The following RGPD8 variants were observed in gnomAD, a reference collection of about 807,000 sequenced individuals.
RGPD8 encodes the protein RANBP2 like and GRIP domain containing 8, also known as RANBP2-like and GRIP domain-containing protein 8.
In RGPD8, 15 loss-of-function variants were observed where a neutral mutation model predicts 89.1. The ratio of observed to expected loss-of-function variants is 0.17; its 90% CI spans 0.11 to 0.26. RGPD8 has a LOEUF of 0.26. Ranked by LOEUF, RGPD8 falls within the 10% of genes least tolerant of loss-of-function variation. The pLI, the probability that RGPD8 is intolerant of heterozygous loss-of-function variation, is 1.00. For missense variants in RGPD8, 178 were observed against 1,179.6 expected, an observed-to-expected ratio of 0.15 and a Z score of 12.44; for synonymous variants, 62 against 420.9, an observed-to-expected ratio of 0.15 and a Z score of 10.44.
At chr2:112,423,908 G>A (rs1462716815) in intron 2 of RGPD8, among the ~76,000 whole-genome samples, 3 of 152,204 alleles carry the variant, frequency 2.0e-5, no homozygotes, top group Non-Finnish European at 4.4e-5. Flanking sequence ...TTTTCCATCT[G>A]ATTAAGGTAT....
intron 1 of RGPD8, among the ~76,000 whole-genome samples, chr2:112,431,761 C>T (rs902156561): frequency 2.0e-5 from 3 of 152,062 alleles, no homozygotes; most frequent in Non-Finnish European, 4.4e-5. Flanking sequence ...CTCAGCCTCC[C>T]AGGTAGCTGG....
rs749254059 is a variant in RGPD8, at chr2:112,390,171, C to T, written c.2774G>A (p.Gly925Asp). Residue 925 changes from glycine (G) to aspartate (D), a missense_variant, in exon 20 of 23, where the codon GGC becomes GAC. Coordinates refer to ENST00000302558, the MANE Select transcript of RGPD8 (RefSeq NM_001164463.1). ...IPVSADGFKFGISEPGNQEKK... is the reference protein window; with the variant it reads ...IPVSADGFKFDISEPGNQEKK... ...TTCTTGATTTCCTGGTTCCGAAATG[C>T]CAAATTTAAATCCATCAGCAGACAC... is the stretch of plus-strand genomic sequence containing the variant. 9.5e-6 allele frequency: 15 copies of T among 1,577,990 alleles called. No homozygotes were observed. The South Asian group carries it at 1.3e-4, about 14-fold the overall frequency.
intron 1 of RGPD8, among the ~76,000 whole-genome samples, chr2:112,424,767 C>CATA (rs1181631703): frequency 6.6e-6 from 1 of 150,510 alleles, no homozygotes; most frequent in Admixed American, 6.6e-5. Flanking sequence ...TCATCATCAT[C>CATA]ATAAATAAGC....
intron 1 of RGPD8, chr2:112,432,414 G>A: frequency 1.1e-6 from 1 of 891,102 alleles, no homozygotes; most frequent in African/African-American, 1.8e-5. Context: ...GAGGAGTGGA[G>A]TGGAGCTGGA....
chr2:112,430,173 G>A (rs889843179), intron 1 of RGPD8, among the ~76,000 whole-genome samples: 3 of 152,100 alleles, frequency 2.0e-5, no homozygotes, highest in African/African-American at 4.8e-5. Context: ...ATATACAGAC[G>A]CATCATCACA....
chr2:112,417,556 T>A, intron 5 of RGPD8, 128 bp downstream of exon 5: 1 of 549,224 alleles, frequency 1.8e-6, no homozygotes. Context: ...CTGGTAAAAA[T>A]TTCATTTTAT....
chr2:112,432,614 C>G, intron 1 of RGPD8: 1 of 985,350 alleles, frequency 1.0e-6, no homozygotes. Context: ...GGTACGACCT[C>G]CGCCGCGGCA....
intron 22 of RGPD8, among the ~76,000 whole-genome samples, chr2:112,374,867 T>TTTC (rs1553501056): frequency 4.5e-5 from 6 of 134,762 alleles, no homozygotes; most frequent in South Asian, 2.4e-4. Context: ...TCTTTTTTTT[T>TTTC]TTTTTTTTTT....
intron 6 of RGPD8, among the ~76,000 whole-genome samples, chr2:112,413,053 G>T (rs1574012363): frequency 8.8e-6 from 1 of 113,076 alleles, no homozygotes; most frequent in African/African-American, 4.0e-5. Context: ...TAACTGACAG[G>T]TATTTGAGTA....
intron 1 of RGPD8, 132 bp downstream of exon 1, chr2:112,433,250 A>G: frequency 1.1e-6 from 1 of 919,178 alleles, no homozygotes; most frequent in Non-Finnish European, 1.5e-6. Flanking sequence ...CCGCCGCCTC[A>G]ACAGAGCGCG....
chr2:112,381,940 C>A (rs1337784271), intron 20 of RGPD8, among the ~76,000 whole-genome samples: 1 of 152,302 alleles, frequency 6.6e-6, no homozygotes, highest in African/African-American at 2.4e-5. Flanking sequence ...AGTATTAATC[C>A]TGAGTGTTGT....
intron 1 of RGPD8, among the ~76,000 whole-genome samples, chr2:112,426,195 C>T (rs1242452336): frequency 6.6e-6 from 1 of 152,146 alleles, no homozygotes; most frequent in Non-Finnish European, 1.5e-5. Flanking sequence ...TGTGAACTGC[C>T]AGCATCGCTA....
At chr2:112,374,485 T>C (rs1399664419) in intron 22 of RGPD8, among the ~76,000 whole-genome samples, 6 of 142,496 alleles carry the variant, frequency 4.2e-5, no homozygotes, top group Non-Finnish European at 7.7e-5. Flanking sequence ...GTACATGAGA[T>C]AGTATTACAC....
At position 112,431,781 on chromosome 2, in the gene RGPD8, C is replaced by T. The variant is rs556831009; in HGVS notation, c.72+1601G>A. Among the ~76,000 whole-genome samples, 568 of 152,110 alleles carry T rather than the reference C, an allele frequency of 3.7e-3. 1 individual carries two copies. Among genetic ancestry groups the T allele is most frequent in the African/African-American group, 0.013 (544 of 41,476 alleles). On this transcript the variant is annotated intron_variant, in intron 1 of 22. Coordinates refer to ENST00000302558, the MANE Select transcript of RGPD8 (RefSeq NM_001164463.1). ...CCTCCCAGGTAGCTGGGACTACAGG[C>T]GTGCGCCACCACGTCCGGCTAACTT...
At chr2:112,426,717 G>A (rs1255833565) in intron 1 of RGPD8, among the ~76,000 whole-genome samples, 13 of 150,404 alleles carry the variant, frequency 8.6e-5, no homozygotes, top group Admixed American at 2.0e-4. Context: ...CAGCACTGGC[G>A]ACAGAGCAAG....
At chr2:112,405,318 CCTT>C (rs1176749786) in intron 8 of RGPD8, among the ~76,000 whole-genome samples, 19 of 62,308 alleles carry the variant, frequency 3.0e-4, no homozygotes, top group African/African-American at 1.1e-3. Context: ...TAAAAACCCT[CCTT>C]CGAGTTAATT....
In RGPD8 at chr2:112,422,444, C is replaced by T. The variant is rs529301597; in HGVS notation, c.252+104G>A. 10 of 1,520,024 alleles carry T rather than the reference C, an allele frequency of 6.6e-6. 1 individual carries two copies. The South Asian group carries it at 1.2e-4, about 18-fold the overall frequency. The allele number at this position is 1,520,024 out of a possible 1,614,324, so 94.2% of individuals were successfully genotyped here. On this transcript the variant is annotated intron_variant, in intron 3 of 22. Transcript: ENST00000302558. ...CATAATTGTACTATGATACCAATGC[C>T]TGTTTTATGATATTTATAAAATATA...
At chr2:112,429,094 C>G (rs1679901847) in intron 1 of RGPD8, among the ~76,000 whole-genome samples, 1 of 151,446 alleles carries the variant, frequency 6.6e-6, no homozygotes, top group South Asian at 2.1e-4. Context: ...TGTCTGAGGA[C>G]AGTTTTGGAG....
rs1438619237 is a variant in RGPD8, at chr2:112,433,213, C to G, written c.72+169G>C. 1.7e-4 allele frequency among the ~76,000 whole-genome samples: 24 copies of G among 140,346 alleles called. 3 individuals are homozygous for G. Among genetic ancestry groups the G allele is most frequent in the Admixed American group, 8.3e-4 (12 of 14,372 alleles). 92.1% of individuals were successfully genotyped at this position (140,346 alleles called of 152,430 possible). ...TCGGGAGCCATGACCCCTGACCCAT[C>G]GAGGCCGCCGCCGGGCCGGGTGGAG... On this transcript the variant is annotated intron_variant, in intron 1 of 22. Transcript: ENST00000302558.
Sources: allele counts gnomAD v4.1 joint callset (sites outside exome capture counted in the v4.1 genomes callset), GRCh38; gene constraint gnomAD v4.1.1; transcripts MANE v1.5; gene names NCBI Gene and HGNC (gene_info 2026-07-23, HGNC 2026-07-21).